Variants in ZNF845 observed in about 807,000 individuals in gnomAD.
The protein encoded by ZNF845 is zinc finger protein 845.
ZNF845 carries 59 observed loss-of-function variants against 76.1 expected under a neutral mutation model. The observed-to-expected ratio is 0.78, with a 90% CI of 0.63 to 0.96. ZNF845 has a LOEUF of 0.96. Among genes scored for constraint, ZNF845 ranks in the 40% least tolerant of loss-of-function variants. The pLI, the probability that ZNF845 is intolerant of heterozygous loss-of-function variation, is 0.00. For synonymous variants in ZNF845, 361 were observed against 386.9 expected, an observed-to-expected ratio of 0.93 and a Z score of 0.78; for missense variants, 1,045 against 1,172.8, an observed-to-expected ratio of 0.89 and a Z score of 1.59.
rs201444995 is a variant in ZNF845, at chr19:53,335,590, TTTTTTG to T, written c.-74+1822_-74+1827del. Among the ~76,000 whole-genome samples, 160 of 150,842 alleles carry T rather than the reference TTTTTTG, an allele frequency of 1.1e-3. No individual in the cohort carries two copies. The South Asian group carries it at 0.015, about 15-fold the overall frequency. On this transcript the variant is annotated intron_variant, in intron 1 of 3. Coordinates refer to ENST00000458035, the MANE Select transcript of ZNF845 (RefSeq NM_138374.3). ...GCCTGGCCTACATAGTCGTTTTTTG[TTTTTTG>T]TTTTTGTTTTTGTTTTTGTTTTTTT... is the stretch of plus-strand genomic sequence containing the variant.
At chr19:53,347,009 G>A (rs771872248) in intron 3 of ZNF845, among the ~76,000 whole-genome samples, 8 of 150,390 alleles carry the variant, frequency 5.3e-5, no homozygotes, top group East Asian at 2.0e-4. Flanking sequence ...TCAGTTTTCC[G>A]AGTAGCTGGG....
rs1376098418 is a variant in ZNF845, at chr19:53,340,163, T to C, written c.-73-1072T>C. Among the ~76,000 whole-genome samples, 2 of 152,250 alleles carry C rather than the reference T, an allele frequency of 1.3e-5. 1 individual carries two copies. The highest frequency in any genetic ancestry group is 4.8e-5 in the African/African-American group (2 of 41,470). ...GCCTCTGGAGTTTAAGCGATTCTCATGCCTCAGCCTCCTGAGCAGTGGCGA... is the reference window on the plus strand; with the variant it reads ...GCCTCTGGAGTTTAAGCGATTCTCACGCCTCAGCCTCCTGAGCAGTGGCGA... On this transcript the variant is annotated intron_variant, in intron 1 of 3. Transcript: ENST00000458035.
intron 3 of ZNF845, among the ~76,000 whole-genome samples, chr19:53,349,279 C>CT (rs1203698150): frequency 6.6e-6 from 1 of 151,634 alleles, no homozygotes; most frequent in East Asian, 1.9e-4. Flanking sequence ...GAAATTGTGG[C>CT]TTTTTTTCTG....
intron 3 of ZNF845, among the ~76,000 whole-genome samples, chr19:53,347,317 C>T (rs987322628): frequency 4.7e-5 from 7 of 150,244 alleles, no homozygotes; most frequent in African/African-American, 1.7e-4. Context: ...CTGTCTGTTG[C>T]CCAGGCTGGA....
intron 1 of ZNF845, among the ~76,000 whole-genome samples, chr19:53,336,473 G>GCACT (rs2085214214): frequency 6.6e-6 from 1 of 152,102 alleles, no homozygotes; most frequent in Non-Finnish European, 1.5e-5. Flanking sequence ...TGGTACCACT[G>GCACT]CACTGCAGCC....
Position 53,353,229 on chromosome 19 carries a change from A to C in ZNF845, c.2554A>C (p.Ile852Leu), listed in dbSNP as rs1395852260. The C allele has an allele frequency of 6.2e-7, 1 of 1,613,926 alleles. No individual in the cohort carries two copies. The highest frequency in any genetic ancestry group is 8.5e-7 in the Non-Finnish European group (1 of 1,179,878). ...TTCAGCCCTTGAAATTCATAAGGCA[A>C]TTCATACTGGAGAAAAACCTTACAA... Reference protein sequence around the residue: ...HNSALEIHKAIHTGEKPYKCS... With the variant: ...HNSALEIHKALHTGEKPYKCS... Residue 852 changes from isoleucine (I) to leucine (L), a missense_variant, in exon 4 of 4, where the codon ATT becomes CTT. Coordinates refer to ENST00000458035, the MANE Select transcript of ZNF845 (RefSeq NM_138374.3).
At position 53,345,593 on chromosome 19, in the gene ZNF845, G is replaced by A. The variant is rs2085289383; in HGVS notation, c.103G>A (p.Asp35Asn). The A allele has an allele frequency of 6.2e-7, 1 of 1,613,832 alleles. No individual in the cohort carries two copies. Among genetic ancestry groups the A allele is most frequent in the Admixed American group, 1.7e-5 (1 of 59,986 alleles). Reference protein sequence around the residue: ...LDPAQRTLYRDVMLENYRNLV... With the variant: ...LDPAQRTLYRNVMLENYRNLV... The stretch of plus-strand genomic sequence containing the variant: ...CCCTGCTCAGAGGACTCTATACAGG[G>A]ACGTGATGCTGGAGAATTATAGGAA... Residue 35 changes from aspartate to asparagine, a missense_variant, in exon 3 of 4, where the codon GAC becomes AAC. Transcript: ENST00000458035.
At chr19:53,338,728 A>T (rs1420686719) in intron 1 of ZNF845, among the ~76,000 whole-genome samples, 1 of 148,694 alleles carries the variant, frequency 6.7e-6, no homozygotes, top group Non-Finnish European at 1.5e-5. Flanking sequence ...ACACGCACAC[A>T]CACACTCCCA....
intron 1 of ZNF845, among the ~76,000 whole-genome samples, chr19:53,336,970 G>C (rs2085219773): frequency 6.6e-6 from 1 of 152,208 alleles, no homozygotes; most frequent in Non-Finnish European, 1.5e-5. Context: ...ATCTTGAGCT[G>C]TGAGCTATTA....
chr19:53,352,903 G>T lies in ZNF845; in HGVS notation c.2228G>T (p.Gly743Val). Residue 743 changes from glycine to valine, a missense_variant, in exon 4 of 4, where the codon GGA becomes GTA. By Grantham distance (109) the Gly-to-Val change is moderately radical. Transcript: ENST00000458035. ...SLTCHLRLHT[G>V]EKPYKCEECD... ...ACATGCCATCTTAGACTTCATACTGGAGAGAAACCTTACAAATGTGAAGAA... is the reference window on the plus strand; with the variant it reads ...ACATGCCATCTTAGACTTCATACTGTAGAGAAACCTTACAAATGTGAAGAA... 6.2e-7 allele frequency: 1 copy of T among 1,614,028 alleles called. No individual in the cohort carries two copies. Among genetic ancestry groups the T allele is most frequent in the Non-Finnish European group, 8.5e-7 (1 of 1,180,012 alleles).
intron 1 of ZNF845, among the ~76,000 whole-genome samples, chr19:53,339,474 C>G (rs2085241005): frequency 6.6e-6 from 1 of 152,194 alleles, no homozygotes; most frequent in Non-Finnish European, 1.5e-5. Flanking sequence ...TCCCTCAAGT[C>G]TTCCACCTTC....
At chr19:53,339,724 G>A (rs927990258) in intron 1 of ZNF845, among the ~76,000 whole-genome samples, 3 of 152,134 alleles carry the variant, frequency 2.0e-5, no homozygotes, top group African/African-American at 7.2e-5. Flanking sequence ...GACCCCAGAG[G>A]GGACATACTA....
Position 53,350,781 on chromosome 19 carries a change from A to G in ZNF845, c.143-37A>G, listed in dbSNP as rs1029948360. On this transcript the variant is annotated intron_variant, in intron 3 of 3. Transcript: ENST00000458035. The stretch of plus-strand genomic sequence containing the variant: ...CATTTCAGTATTATTTACCATCTAT[A>G]CTTAAGTGGAAACCTATTGGTGTTT... 1.9e-6 allele frequency: 3 copies of G among 1,595,722 alleles called. No homozygotes were observed. The African/African-American group carries it at 4.0e-5, about 22-fold the overall frequency.
intron 2 of ZNF845, among the ~76,000 whole-genome samples, chr19:53,343,389 C>T (rs1385550251): frequency 6.6e-6 from 1 of 152,136 alleles, no homozygotes; most frequent in African/African-American, 2.4e-5. Context: ...TCTGTGCACA[C>T]CTGCGTTACT....
chr19:53,343,959 A>G (rs940773954), intron 2 of ZNF845, among the ~76,000 whole-genome samples: 1 of 150,340 alleles, frequency 6.7e-6, no homozygotes, highest in Non-Finnish European at 1.5e-5. Context: ...AGCTGGAACC[A>G]CAGGTGCCTG....
chr19:53,338,541 G>C (rs530793754), intron 1 of ZNF845, among the ~76,000 whole-genome samples: 1 of 149,368 alleles, frequency 6.7e-6, no homozygotes, highest in African/African-American at 2.5e-5. Context: ...TTCTGTTCCG[G>C]AGCAGCTGGA....
chr19:53,348,321 T>C (rs759906418), intron 3 of ZNF845, among the ~76,000 whole-genome samples: 17 of 152,126 alleles, frequency 1.1e-4, no homozygotes, highest in Non-Finnish European at 1.9e-4. Flanking sequence ...GGCACAGATA[T>C]TTATTTCTCA....
At chr19:53,343,319 T>C (rs1361631987) in intron 2 of ZNF845, among the ~76,000 whole-genome samples, 5 of 152,066 alleles carry the variant, frequency 3.3e-5, no homozygotes, top group South Asian at 2.1e-4. Flanking sequence ...AGAAATTGAC[T>C]GGATGACCTG....
Position 53,353,180 on chromosome 19 carries a change from G to C in ZNF845, c.2505G>C (p.Glu835Asp). Residue 835 changes from glutamate to aspartate, a missense_variant, in exon 4 of 4, where the codon GAG becomes GAC. Glu to Asp is a conservative substitution (Grantham distance 45). Coordinates refer to ENST00000458035, the MANE Select transcript of ZNF845 (RefSeq NM_138374.3). ...HSGEKPYKCN[E>D]CGKTFRHNSA... The stretch of plus-strand genomic sequence containing the variant: ...GAGAGAAACCTTACAAGTGTAATGA[G>C]TGTGGCAAGACCTTCCGTCACAATT... 1 of 1,610,920 alleles carries C rather than the reference G, an allele frequency of 6.2e-7. No individual in the cohort carries two copies. Among genetic ancestry groups the C allele is most frequent in the Non-Finnish European group, 8.5e-7 (1 of 1,178,596 alleles).
Sources: allele counts gnomAD v4.1 joint callset (sites outside exome capture counted in the v4.1 genomes callset), GRCh38; gene constraint gnomAD v4.1.1; transcripts MANE v1.5; gene names NCBI Gene and HGNC (gene_info 2026-07-23, HGNC 2026-07-21).